Variants in SLC18A1 observed in about 807,000 individuals in gnomAD.
The protein encoded by SLC18A1 is solute carrier family 18 member A1, also known as chromaffin granule amine transporter.
Under a neutral mutation model 53.7 loss-of-function variants are expected in SLC18A1, and 69 were observed. The observed-to-expected ratio is 1.28, with a 90% CI of 1.06 to 1.57. SLC18A1 has a LOEUF of 1.57. SLC18A1 is among the 40% of genes most tolerant of loss of function. SLC18A1 has a pLI of 0.00. For missense variants in SLC18A1, 932 were observed against 668.1 expected (o/e 1.40, Z -4.35); for synonymous variants, 320 against 248.1 (o/e 1.29, Z -2.72).
intron 3 of SLC18A1, among the ~76,000 whole-genome samples, chr8:20,178,902 T>A (rs935880257): frequency 6.6e-6 from 1 of 152,344 alleles, no homozygotes; most frequent in African/African-American, 2.4e-5. Context: ...GGTTCTCTTC[T>A]TGGTACTCAA....
chr8:20,150,145 C>T (rs1263754501), intron 11 of SLC18A1, among the ~76,000 whole-genome samples: 1 of 152,178 alleles, frequency 6.6e-6, no homozygotes, highest in Non-Finnish European at 1.5e-5. Context: ...CTTTCCTTCT[C>T]TGATGTCCTA....
chr8:20,150,410 G>A (rs1000493390), intron 11 of SLC18A1, among the ~76,000 whole-genome samples: 1 of 152,156 alleles, frequency 6.6e-6, no homozygotes, highest in African/African-American at 2.4e-5. Context: ...GACAGCAAAT[G>A]GATGGAAAGT....
chr8:20,154,811 G>T (rs2071642119), intron 10 of SLC18A1, among the ~76,000 whole-genome samples: 1 of 152,080 alleles, frequency 6.6e-6, no homozygotes, highest in East Asian at 1.9e-4. Context: ...TGTTTGTTCT[G>T]GCTCGAGCTG....
In SLC18A1 at chr8:20,179,293, T is replaced by C; in HGVS notation, c.316A>G (p.Thr106Ala). The part of the protein sequence containing the change: ...VPSGIAWMND[T>A]ASTIPPPATE... ...GCTGGAGGTGGGATGGTGCTGGCAG[T>C]GTCATTCATCCATGCTATTCCACTA... The change falls in exon 3 of 16, where the codon ACT becomes GCT. Residue 106 changes from threonine to alanine, a missense_variant. Coordinates refer to ENST00000276373, the MANE Select transcript of SLC18A1 (RefSeq NM_003053.4). 6.2e-7 allele frequency: 1 copy of C among 1,614,192 alleles called. No homozygotes were observed. The highest frequency in any genetic ancestry group is 8.5e-7 in the Non-Finnish European group (1 of 1,180,014).
Position 20,145,813 on chromosome 8 carries a change from C to G in SLC18A1, c.1528G>C (p.Glu510Gln). Residue 510 changes from glutamate (E) to glutamine (Q), a missense_variant, in exon 16 of 16, where the codon GAA becomes CAA. Glu to Gln is a conservative substitution (Grantham distance 29). Coordinates refer to ENST00000276373, the MANE Select transcript of SLC18A1 (RefSeq NM_003053.4). ...TCACTGTCCTCCCCCAGAGGAAATT[C>G]CTTCGTGGGCTTCTGGGTTGCATAC... is the stretch of plus-strand genomic sequence containing the variant. ...RMYATQKPTK[E>Q]FPLGEDSDEE... is the part of the protein sequence containing the mutation. 1.9e-6 allele frequency: 3 copies of G among 1,612,312 alleles called. No individual in the cohort carries two copies. The highest frequency in any genetic ancestry group is 2.5e-6 in the Non-Finnish European group (3 of 1,179,230).
intron 8 of SLC18A1, among the ~76,000 whole-genome samples, chr8:20,165,889 T>C (rs1319380852): frequency 6.6e-6 from 1 of 152,206 alleles, no homozygotes; most frequent in Non-Finnish European, 1.5e-5. Flanking sequence ...CACTATGTCC[T>C]AATCCTTCAT....
At chr8:20,147,849 T>A in intron 13 of SLC18A1, 127 bp from the exon 14 acceptor site, 1 of 1,478,998 alleles carries the variant, frequency 6.8e-7, no homozygotes, top group Non-Finnish European at 9.2e-7. Flanking sequence ...CTGTTCCAGG[T>A]GGGAATTACG....
Position 20,147,409 on chromosome 8 carries a change from A to G in SLC18A1, c.1331-18T>C. 1 of 1,599,118 alleles carries G rather than the reference A, an allele frequency of 6.3e-7. No homozygotes were observed. The highest frequency in any genetic ancestry group is 8.5e-7 in the Non-Finnish European group (1 of 1,174,002). On this transcript the variant is annotated intron_variant, in intron 14 of 15. Coordinates refer to ENST00000276373, the MANE Select transcript of SLC18A1 (RefSeq NM_003053.4). ...GGATGGACCTGGGAGGGATACATCA[A>G]AGTCATAAGTGTCTATGGAGCCTCC...
intron 10 of SLC18A1, among the ~76,000 whole-genome samples, chr8:20,161,786 T>C (rs2071836211): frequency 6.6e-6 from 1 of 152,182 alleles, no homozygotes; most frequent in Non-Finnish European, 1.5e-5. Context: ...TCCAAAATCC[T>C]GGGCACACTG....
chr8:20,145,902 C>T (rs766705181), intron 15 of SLC18A1, 26 bp from the exon 16 acceptor site: 1 of 1,379,342 alleles, frequency 7.2e-7, no homozygotes. Context: ...AGAAGAGAAG[C>T]CACTGCACAT....
chr8:20,170,824 A>G (rs1253452920), intron 8 of SLC18A1, among the ~76,000 whole-genome samples: 1 of 128,920 alleles, frequency 7.8e-6, no homozygotes, highest in East Asian at 2.1e-4. Context: ...TACCCCATAT[A>G]TGTGTCGAAT....
Position 20,147,407 on chromosome 8 carries a change from CAA to C in SLC18A1, c.1331-18_1331-17del. On this transcript the variant is annotated splice_polypyrimidine_tract_variant and intron_variant, in intron 14 of 15. Transcript: ENST00000276373. Reference sequence around the variant, plus strand: ...GTGGATGGACCTGGGAGGGATACATCAAAGTCATAAGTGTCTATGGAGCCTCC... The same window carrying C: ...GTGGATGGACCTGGGAGGGATACATCAGTCATAAGTGTCTATGGAGCCTCC... 3 of 1,600,086 alleles carry C rather than the reference CAA, an allele frequency of 1.9e-6. No individual in the cohort carries two copies. The highest frequency in any genetic ancestry group is 2.6e-6 in the Non-Finnish European group (3 of 1,174,434).
At position 20,179,108 on chromosome 8, in the gene SLC18A1, C is replaced by G. The variant is rs1262517440; in HGVS notation, c.488+13G>C. ...CCTGTGTACCCTGCGGGGCACTGCACCCAGTGAGATACCTGTTGGTGAGAG... is the reference window on the plus strand; with the variant it reads ...CCTGTGTACCCTGCGGGGCACTGCAGCCAGTGAGATACCTGTTGGTGAGAG... On this transcript the variant is annotated intron_variant, in intron 3 of 15. Coordinates refer to ENST00000276373, the MANE Select transcript of SLC18A1 (RefSeq NM_003053.4). 1 of 1,604,016 alleles carries G rather than the reference C, an allele frequency of 6.2e-7. No homozygotes were observed. Among genetic ancestry groups the G allele is most frequent in the East Asian group, 2.2e-5 (1 of 44,782 alleles).
rs778062517 is a variant in SLC18A1 at position 20,164,967 on chromosome 8, G to T, written c.920-3C>A. 2.5e-6 allele frequency: 4 copies of T among 1,613,916 alleles called. No individual in the cohort carries two copies. In the Admixed American group the frequency reaches 6.7e-5, roughly 27 times the overall value. Reference sequence around the variant, plus strand: ...CATGTTGGCAAAGCAGATGGACCCTGGGGAGACTGTTCTGTGAGCAGCCGT... The same window carrying T: ...CATGTTGGCAAAGCAGATGGACCCTTGGGAGACTGTTCTGTGAGCAGCCGT... On this transcript the variant is annotated splice_region_variant and splice_polypyrimidine_tract_variant and intron_variant, in intron 9 of 15. Transcript: ENST00000276373.
At chr8:20,148,293 G>T in intron 12 of SLC18A1, 1 of 597,546 alleles carries the variant, frequency 1.7e-6, no homozygotes, top group Non-Finnish European at 2.9e-6. Context: ...GCTCTATCCA[G>T]AGTTACAGAT....
In SLC18A1 at chr8:20,179,371, TG is replaced by T; in HGVS notation, c.237del (p.Thr80ProfsTer21). 1.9e-6 allele frequency: 3 copies of T among 1,613,916 alleles called. No individual in the cohort carries two copies. Among genetic ancestry groups the T allele is most frequent in the Non-Finnish European group, 2.5e-6 (3 of 1,179,986 alleles). Reference sequence around the variant, plus strand: ...TTGTTGTTGAAGAAGGAGAAGATGGTGGAAAAGGCAGGAGAGGCGAGGGCAT... The same window carrying T: ...TTGTTGTTGAAGAAGGAGAAGATGGTGAAAAGGCAGGAGAGGCGAGGGCAT... ...SPHALASPAF[S>X]TIFSFFNNNT... On this transcript the variant is annotated frameshift_variant, in exon 3 of 16. Transcript: ENST00000276373. LOFTEE classifies it high-confidence loss of function.
chr8:20,171,343 A>C, intron 7 of SLC18A1, 62 bp downstream of exon 7: 2 of 1,435,534 alleles, frequency 1.4e-6, no homozygotes, highest in Non-Finnish European at 2.0e-6. Flanking sequence ...TGACACTACA[A>C]CATAATGCAT....
In SLC18A1 at chr8:20,174,414, A is replaced by C. The variant is rs370820408; in HGVS notation, c.578T>G (p.Leu193Arg). 3.1e-5 allele frequency: 50 copies of C among 1,613,930 alleles called. No individual in the cohort carries two copies. The highest frequency in any genetic ancestry group is 3.8e-5 in the Non-Finnish European group (45 of 1,179,930). Residue 193 changes from leucine (L) to arginine (R), a missense_variant, in exon 5 of 16, where the codon CTC (leucine) becomes CGC (arginine). By Grantham distance (102) the Leu-to-Arg change is moderately radical (BLOSUM62 -2). Coordinates refer to ENST00000276373, the MANE Select transcript of SLC18A1 (RefSeq NM_003053.4). ...GCCTTGAAGGGTTCGGGCCACAAAG[A>C]GTAGAGTATAGGTCCCAGAAAAAGC... is the stretch of plus-strand genomic sequence containing the variant. ...MFAFSGTYTL[L>R]FVARTLQGIG...
chr8:20,156,137 T>C (rs563678010), intron 10 of SLC18A1, among the ~76,000 whole-genome samples: 33 of 152,242 alleles, frequency 2.2e-4, no homozygotes, highest in African/African-American at 7.5e-4. Context: ...ATTAAAGGGA[T>C]GCCCCAAATG....
Sources: allele counts gnomAD v4.1 joint callset (sites outside exome capture counted in the v4.1 genomes callset), GRCh38; gene constraint gnomAD v4.1.1; transcripts MANE v1.5; gene names NCBI Gene and HGNC (gene_info 2026-07-23, HGNC 2026-07-21).